The following PLXNA2 variants were observed in gnomAD, a reference collection of about 807,000 sequenced individuals.
The protein encoded by PLXNA2 is plexin A2.
In PLXNA2, 91 loss-of-function variants were observed where a neutral mutation model predicts 193.5. The ratio of observed to expected loss-of-function variants is 0.47; its 90% CI spans 0.40 to 0.56. The LOEUF is 0.56. Among genes scored for constraint, PLXNA2 ranks in the 20% least tolerant of loss-of-function variants. PLXNA2 has a pLI of 0.00. For missense variants in PLXNA2, 1,995 were observed against 2,503.2 expected (o/e 0.80, Z 4.33); for synonymous variants, 997 against 1,027.3 (o/e 0.97, Z 0.56).
intron 4 of PLXNA2, among the ~76,000 whole-genome samples, chr1:208,120,627 C>T (rs1667779195): frequency 6.6e-6 from 1 of 152,188 alleles, no homozygotes; most frequent in South Asian, 2.1e-4. Context: ...TTTGTTTCAG[C>T]CCCTACTTGC....
intron 3 of PLXNA2, among the ~76,000 whole-genome samples, chr1:208,191,442 T>A (rs1670178471): frequency 6.6e-6 from 1 of 152,170 alleles, no homozygotes; most frequent in Non-Finnish European, 1.5e-5. Flanking sequence ...TGGCGCGTAC[T>A]GAGGGGAGGG....
intron 1 of PLXNA2, among the ~76,000 whole-genome samples, chr1:208,237,006 T>C (rs1169410292): frequency 2.0e-5 from 3 of 152,228 alleles, no homozygotes; most frequent in East Asian, 1.9e-4. Context: ...CCTTCCTTTA[T>C]AGGATTAGAG....
chr1:208,041,602 C>A (rs1664872130), intron 22 of PLXNA2, among the ~76,000 whole-genome samples: 1 of 152,234 alleles, frequency 6.6e-6, no homozygotes, highest in Admixed American at 6.5e-5. Context: ...CAACCAAGCA[C>A]TTAGAAAGCG....
intron 26 of PLXNA2, among the ~76,000 whole-genome samples, chr1:208,037,949 C>T (rs1231107066): frequency 6.6e-6 from 1 of 152,218 alleles, no homozygotes; most frequent in Non-Finnish European, 1.5e-5. Flanking sequence ...CAATTCCCTG[C>T]TCCACTGTAA....
chr1:208,027,552 G>A (rs1664379180), intron 31 of PLXNA2, among the ~76,000 whole-genome samples: 1 of 152,186 alleles, frequency 6.6e-6, no homozygotes, highest in South Asian at 2.1e-4. Flanking sequence ...TCTGGCATAG[G>A]AAGTGCTATG....
At chr1:208,203,020 G>C (rs975726748) in intron 3 of PLXNA2, among the ~76,000 whole-genome samples, 3 of 152,190 alleles carry the variant, frequency 2.0e-5, no homozygotes, top group African/African-American at 7.2e-5. Context: ...CTGGGGATCT[G>C]GACAGAGCCG....
chr1:208,210,538 A>G (rs1670907447), intron 2 of PLXNA2, 76 bp from the exon 3 acceptor site: 1 of 1,324,482 alleles, frequency 7.6e-7, no homozygotes, highest in South Asian at 1.5e-5. Flanking sequence ...CATATCCACA[A>G]CTTCCAGCCT....
At position 208,051,281 on chromosome 1, in the gene PLXNA2, T is replaced by C. The variant is rs371235330; in HGVS notation, c.3136A>G (p.Ile1046Val). The change falls in exon 16 of 32, where the codon ATC (isoleucine) becomes GTC (valine). Residue 1046 changes from isoleucine (I) to valine (V), a missense_variant. Physicochemically the swap from Ile to Val is conservative, Grantham distance 29. Around this residue, in one of 3 missense-constraint regions of PLXNA2, gnomAD observed 1,291 missense variants for 1,673.6 expected, o/e 0.77. Coordinates refer to ENST00000367033, the MANE Select transcript of PLXNA2 (RefSeq NM_025179.4). ...EYIDDPRVQR[I>V]EPEWSIASGH... ...CTGGCAATGCTCCACTCTGGCTCGA[T>C]GCGCTGGACCCGAGGGTCATCTATG... is the stretch of plus-strand genomic sequence containing the variant. The C allele has an allele frequency of 6.2e-7, 1 of 1,611,468 alleles. No individual in the cohort carries two copies. Among genetic ancestry groups the C allele is most frequent in the Non-Finnish European group, 8.5e-7 (1 of 1,178,554 alleles).
intron 3 of PLXNA2, among the ~76,000 whole-genome samples, chr1:208,200,964 G>A (rs1670533930): frequency 6.6e-6 from 1 of 152,184 alleles, no homozygotes; most frequent in African/African-American, 2.4e-5. Flanking sequence ...TAGAATCAAA[G>A]AGAATTTGGG....
intron 3 of PLXNA2, among the ~76,000 whole-genome samples, chr1:208,162,036 G>A (rs1686421150): frequency 1.3e-5 from 2 of 152,160 alleles, no homozygotes; most frequent in Non-Finnish European, 1.5e-5. Context: ...CCCCTTCTTC[G>A]CCCTGGAGTC....
chr1:208,191,793 A>T (rs1670189516), intron 3 of PLXNA2, among the ~76,000 whole-genome samples: 1 of 152,248 alleles, frequency 6.6e-6, no homozygotes, highest in African/African-American at 2.4e-5. Context: ...GCTATGAAGC[A>T]CATGGGGGCT....
At chr1:208,097,898 C>T (rs1252234529) in intron 6 of PLXNA2, among the ~76,000 whole-genome samples, 2 of 152,036 alleles carry the variant, frequency 1.3e-5, no homozygotes, top group East Asian at 3.9e-4. Flanking sequence ...AAGACAGGGT[C>T]TCACTATGTT....
intron 2 of PLXNA2, 44 bp from the exon 3 acceptor site, chr1:208,210,506 A>T (rs377400809): frequency 3.2e-6 from 5 of 1,543,654 alleles, no homozygotes; most frequent in South Asian, 1.2e-5. Flanking sequence ...CAGTGGAGGC[A>T]TGGTGAAGTC....
intron 4 of PLXNA2, among the ~76,000 whole-genome samples, chr1:208,127,682 GA>G (rs1286112291): frequency 6.6e-6 from 1 of 152,202 alleles, no homozygotes; most frequent in Admixed American, 6.5e-5. Context: ...GGAAAAGGAT[GA>G]AAACAACCTG....
intron 12 of PLXNA2, among the ~76,000 whole-genome samples, chr1:208,063,990 G>A (rs578101579): frequency 6.6e-6 from 1 of 152,036 alleles, no homozygotes; most frequent in Admixed American, 6.6e-5. Context: ...GTCTAAAAAC[G>A]AACTCTTAAT....
At position 208,244,006 on chromosome 1, in the gene PLXNA2, T is replaced by A. The variant is rs554414618; in HGVS notation, c.-444A>T. ...AGCAGAGCCCCGGCTGTCTTCAGAT[T>A]TTTCCAGCGCGACTTTCCGGGCTCC... is the stretch of plus-strand genomic sequence containing the variant. On this transcript the variant is annotated 5_prime_UTR_variant, in exon 1 of 32. Transcript: ENST00000367033. The A allele has an allele frequency of 1.3e-5, 2 of 152,300 alleles. No individual in the cohort carries two copies. Among genetic ancestry groups the A allele is most frequent in the African/African-American group, 4.8e-5 (2 of 41,436 alleles). The allele number at this position is 152,300 out of a possible 1,614,324, so 9.4% of individuals were successfully genotyped here.
intron 3 of PLXNA2, among the ~76,000 whole-genome samples, chr1:208,152,511 C>T (rs899178581): frequency 2.5e-4 from 38 of 152,158 alleles, no homozygotes; most frequent in African/African-American, 8.4e-4. Context: ...AACACTTGTT[C>T]GATCCTGCCT....
chr1:208,146,934 G>C (rs1468663635), intron 3 of PLXNA2, among the ~76,000 whole-genome samples: 1 of 152,214 alleles, frequency 6.6e-6, no homozygotes, highest in Non-Finnish European at 1.5e-5. Flanking sequence ...GGGCTATTTT[G>C]CTTGGACAAG....
At chr1:208,029,587 G>A in intron 29 of PLXNA2, 6 of 990,744 alleles carry the variant, frequency 6.1e-6, no homozygotes, top group Non-Finnish European at 7.2e-6. Flanking sequence ...TCCCCTGGGG[G>A]AAGTTCTTTC....
Sources: gnomAD v4.1 joint callset for allele counts (sites outside exome capture counted in the v4.1 genomes callset) on GRCh38, gnomAD v4.1.1 for gene constraint, gnomAD v4.1.1 regional missense constraint, MANE v1.5 for transcripts, NCBI Gene and HGNC (gene_info 2026-07-23, HGNC 2026-07-21) for gene names.